The following CDKAL1 variants were observed in gnomAD, a reference collection of about 807,000 sequenced individuals.
The protein encoded by CDKAL1 is CDKAL1 threonylcarbamoyladenosine tRNA methylthiotransferase.
In CDKAL1, 32 loss-of-function variants were observed where a neutral mutation model predicts 68.2. The observed-to-expected ratio is 0.47, with a 90% CI of 0.35 to 0.63. The LOEUF is 0.63. Among genes scored for constraint, CDKAL1 ranks in the 30% least tolerant of loss-of-function variants. The pLI is 0.00. For missense variants in CDKAL1, 606 were observed against 696.7 expected, an observed-to-expected ratio of 0.87 and a Z score of 1.47; for synonymous variants, 234 against 244.3, an observed-to-expected ratio of 0.96 and a Z score of 0.39.
chr6:20,548,097 A>G (rs145366111), intron 3 of CDKAL1, among the ~76,000 whole-genome samples: 113 of 152,310 alleles, frequency 7.4e-4, no homozygotes, highest in African/African-American at 2.6e-3. Context: ...TGGTTATTTT[A>G]TCTTGATTTT....
chr6:20,539,146 G>A lies in CDKAL1; in HGVS notation c.-6+3752G>A, dbSNP rs1763289701. Among the ~76,000 whole-genome samples the A allele has an allele frequency of 6.6e-6, 1 of 152,158 alleles. No individual in the cohort carries two copies. Among genetic ancestry groups the A allele is most frequent in the African/African-American group, 2.4e-5 (1 of 41,440 alleles). ...AGATGTTGTTTGAGTGAAGAAGTGG[G>A]TGGGAAGACATACTTATCTGGGGGC... On this transcript the variant is annotated intron_variant, in intron 2 of 15. Transcript: ENST00000274695. This position sits in a 1 kb window ranked among gnomAD's most constrained non-coding sequence, Gnocchi z 4.3.
chr6:20,990,401 G>A (rs1486662237), intron 10 of CDKAL1, among the ~76,000 whole-genome samples: 1 of 152,320 alleles, frequency 6.6e-6, no homozygotes, highest in Non-Finnish European at 1.5e-5. Context: ...ACACTAAGAT[G>A]AATTGGTAAT....
intron 6 of CDKAL1, among the ~76,000 whole-genome samples, chr6:20,747,695 T>G (rs1329083987): frequency 6.6e-6 from 1 of 152,250 alleles, no homozygotes; most frequent in Non-Finnish European, 1.5e-5. Flanking sequence ...ATTTTGCCAT[T>G]AAGTTATATG....
chr6:21,169,822 A>G (rs1341436511), intron 13 of CDKAL1, among the ~76,000 whole-genome samples: 3 of 152,154 alleles, frequency 2.0e-5, no homozygotes, highest in Admixed American at 2.0e-4. Flanking sequence ...CACATCTTGC[A>G]TGGTAGCAGG....
At position 20,968,779 on chromosome 6, in the gene CDKAL1, G is replaced by C. The variant is rs557793295; in HGVS notation, c.909+13194G>C. Among the ~76,000 whole-genome samples the C allele has an allele frequency of 2.0e-5, 3 of 151,722 alleles. No individual in the cohort carries two copies. The East Asian group carries it at 5.8e-4, about 29-fold the overall frequency. ...TTTTATTATTTCTGTCTCATTATTG[G>C]TACTCTATTTGGTGAGACATCATTC... is the stretch of plus-strand genomic sequence containing the variant. On this transcript the variant is annotated intron_variant, in intron 10 of 15. Transcript: ENST00000274695.
chr6:20,565,000 A>G (rs1187134583), intron 4 of CDKAL1, among the ~76,000 whole-genome samples: 1 of 152,160 alleles, frequency 6.6e-6, no homozygotes, highest in Non-Finnish European at 1.5e-5. Context: ...TTTATATAGC[A>G]GGATGTGGTG....
At chr6:21,229,009 G>A (rs538094862) in intron 15 of CDKAL1, among the ~76,000 whole-genome samples, 1 of 152,310 alleles carries the variant, frequency 6.6e-6, no homozygotes, top group East Asian at 1.9e-4. Context: ...CCAGCTGTGT[G>A]CCTCCTTACG....
At chr6:20,725,783 T>TAAAAAAA (rs67587689) in intron 5 of CDKAL1, among the ~76,000 whole-genome samples, 8 of 99,064 alleles carry the variant, frequency 8.1e-5, no homozygotes, top group East Asian at 2.7e-4. Flanking sequence ...AAACTCCGTC[T>TAAAAAAA]AAAAAAAAAA....
At chr6:20,707,035 A>G (rs1228547430) in intron 5 of CDKAL1, among the ~76,000 whole-genome samples, 1 of 152,224 alleles carries the variant, frequency 6.6e-6, no homozygotes, top group Non-Finnish European at 1.5e-5. Context: ...AACGTTATTT[A>G]GATCATTGTT....
At chr6:20,756,456 T>G (rs538944368) in intron 6 of CDKAL1, among the ~76,000 whole-genome samples, 1 of 152,340 alleles carries the variant, frequency 6.6e-6, no homozygotes, top group South Asian at 2.1e-4. Context: ...TCTGTAGTAT[T>G]TGACACTGTT....
chr6:20,672,254 CTTTCTTTCTT>C lies in CDKAL1; in HGVS notation c.371+22885_371+22894del, dbSNP rs769848018. 5.2e-3 allele frequency among the ~76,000 whole-genome samples: 585 copies of C among 111,782 alleles called. 1 individual carries two copies. Among genetic ancestry groups the C allele is most frequent in the East Asian group, 0.019 (73 of 3,816 alleles). The allele number at this position is 111,782 out of a possible 152,430, so 73.3% of individuals were successfully genotyped here. On this transcript the variant is annotated intron_variant, in intron 5 of 15. Coordinates refer to ENST00000274695, the MANE Select transcript of CDKAL1 (RefSeq NM_017774.3). ...TTTCTTTCTCTTTCTTTCTTTCTTT[CTTTCTTTCTT>C]TTTCTTTTTCTTTCTTTCTCTCTCT...
chr6:20,627,540 C>A (rs1767485365), intron 4 of CDKAL1, among the ~76,000 whole-genome samples: 1 of 152,124 alleles, frequency 6.6e-6, no homozygotes, highest in Non-Finnish European at 1.5e-5. Context: ...CCACATTATT[C>A]TTTTCCGAAT....
chr6:21,150,247 G>A (rs368159912), intron 13 of CDKAL1, among the ~76,000 whole-genome samples: 7 of 152,138 alleles, frequency 4.6e-5, no homozygotes, highest in Non-Finnish European at 7.3e-5. Context: ...GCACGCTTCC[G>A]GGGGCAAGAA....
chr6:20,912,496 C>T (rs1034170024), intron 9 of CDKAL1, among the ~76,000 whole-genome samples: 1 of 152,086 alleles, frequency 6.6e-6, no homozygotes, highest in African/African-American at 2.4e-5. Context: ...GGAGTTGATG[C>T]CCTGATTCTG....
At chr6:20,810,840 CTT>C (rs1435304008) in intron 8 of CDKAL1, among the ~76,000 whole-genome samples, 1 of 152,010 alleles carries the variant, frequency 6.6e-6, no homozygotes, top group East Asian at 1.9e-4. Context: ...CATTCGCCCT[CTT>C]TATCTCCTTT....
At chr6:21,143,721 T>TTA (rs1562067535) in intron 13 of CDKAL1, among the ~76,000 whole-genome samples, 2 of 152,198 alleles carry the variant, frequency 1.3e-5, no homozygotes, top group Non-Finnish European at 2.9e-5. Context: ...GCATAATTGT[T>TTA]TAATGCTGTT....
At chr6:20,550,472 C>T (rs1440748595) in intron 4 of CDKAL1, among the ~76,000 whole-genome samples, 1 of 152,092 alleles carries the variant, frequency 6.6e-6, no homozygotes, top group South Asian at 2.1e-4. Context: ...CCTGGCACCA[C>T]AAAATGTTCT....
chr6:20,613,696 T>C (rs978986), intron 4 of CDKAL1, among the ~76,000 whole-genome samples: 41,852 of 149,770 alleles, frequency 0.28, 6,415 homozygotes, highest in East Asian at 0.53. Flanking sequence ...TAGCCATTCC[T>C]TTTATTCTAG....
intron 4 of CDKAL1, among the ~76,000 whole-genome samples, chr6:20,644,263 G>T (rs6933219): frequency 6.6e-6 from 1 of 151,814 alleles, no homozygotes; most frequent in Non-Finnish European, 1.5e-5. Flanking sequence ...AGCCTGGCAC[G>T]TAGTGAATCC....
Sources: allele counts gnomAD v4.1 joint callset (sites outside exome capture counted in the v4.1 genomes callset), GRCh38; gene constraint gnomAD v4.1.1; non-coding constraint Gnocchi (gnomAD v3.1); transcripts MANE v1.5; gene names NCBI Gene and HGNC (gene_info 2026-07-23, HGNC 2026-07-21).